RAPGEF5: variants seen among roughly 807,000 people sequenced by gnomAD.
RAPGEF5 encodes Rap guanine nucleotide exchange factor 5.
RAPGEF5 carries 65 observed loss-of-function variants against 125.2 expected under a neutral mutation model. The ratio of observed to expected loss-of-function variants is 0.52; its 90% CI spans 0.43 to 0.64. The LOEUF is 0.64. RAPGEF5 is among the 30% of genes least tolerant of loss of function. The pLI, the probability that RAPGEF5 is intolerant of heterozygous loss-of-function variation, is 0.00. For synonymous variants in RAPGEF5, 391 were observed against 385.9 expected (o/e 1.01, Z -0.16); for missense variants, 958 against 1,048.1 (o/e 0.91, Z 1.19).
In RAPGEF5 at chr7:22,343,749, A is replaced by G. The variant is rs115629720; in HGVS notation, c.231+13081T>C. Reference sequence around the variant, plus strand: ...GGGCAAAGGAACCAAAGGTGTAATTATCCTATTCGACTATTTGTTACTTCA... The same window carrying G: ...GGGCAAAGGAACCAAAGGTGTAATTGTCCTATTCGACTATTTGTTACTTCA... On this transcript the variant is annotated intron_variant, in intron 1 of 25. Transcript: ENST00000665637. Among the ~76,000 whole-genome samples the G allele has an allele frequency of 7.3e-3, 1,117 of 152,310 alleles. 19 individuals are homozygous for G. The highest frequency in any genetic ancestry group is 0.025 in the African/African-American group (1,029 of 41,568).
chr7:22,129,295 T>C (rs1782842390), intron 24 of RAPGEF5, among the ~76,000 whole-genome samples: 2 of 152,164 alleles, frequency 1.3e-5, no homozygotes, highest in Admixed American at 6.5e-5. Flanking sequence ...AGCCAGCTGA[T>C]AAAGAGTTTA....
intron 7 of RAPGEF5, among the ~76,000 whole-genome samples, chr7:22,244,436 G>A (rs568843097): frequency 2.2e-4 from 33 of 152,060 alleles, no homozygotes; most frequent in African/African-American, 6.0e-4. Flanking sequence ...GATCAGTAGC[G>A]GCATTAGATT....
intron 1 of RAPGEF5, among the ~76,000 whole-genome samples, chr7:22,347,839 T>G (rs1784252458): frequency 6.6e-6 from 1 of 152,236 alleles, no homozygotes; most frequent in African/African-American, 2.4e-5. Flanking sequence ...TGATAAATGT[T>G]ATATTAGGAT....
In RAPGEF5 at chr7:22,331,939, A is replaced by T. The variant is rs149603507; in HGVS notation, c.232-13902T>A. Among the ~76,000 whole-genome samples the T allele has an allele frequency of 1.1e-3, 169 of 152,236 alleles. 2 individuals are homozygous for T. The highest frequency in any genetic ancestry group is 4.0e-3 in the African/African-American group (168 of 41,532). ...TGTTGAAAGTAATGGAAAAACTTAG[A>T]ACATCAAAGTATTGTTAAAATTCTA... is the stretch of plus-strand genomic sequence containing the variant. On this transcript the variant is annotated intron_variant, in intron 1 of 25. Coordinates refer to ENST00000665637, the MANE Select transcript of RAPGEF5 (RefSeq NM_012294.5).
At chr7:22,229,330 T>C (rs945881999) in intron 8 of RAPGEF5, among the ~76,000 whole-genome samples, 5 of 152,182 alleles carry the variant, frequency 3.3e-5, no homozygotes, top group Non-Finnish European at 5.9e-5. Context: ...CTTAACCTTT[T>C]ATAGACCCAA....
chr7:22,160,511 T>C lies in RAPGEF5; in HGVS notation c.1526+7A>G, dbSNP rs943496478. ...ATTAACTATAATTAGGAAAATGAAATACTTACTGACGACGGTGCATTCCAA... is the reference window on the plus strand; with the variant it reads ...ATTAACTATAATTAGGAAAATGAAACACTTACTGACGACGGTGCATTCCAA... On this transcript the variant is annotated splice_region_variant and intron_variant, in intron 14 of 25. Transcript: ENST00000665637. 2 of 1,537,650 alleles carry C rather than the reference T, an allele frequency of 1.3e-6. No homozygotes were observed. Among genetic ancestry groups the C allele is most frequent in the African/African-American group, 2.8e-5 (2 of 72,532 alleles).
At chr7:22,203,645 G>C (rs887998677) in intron 9 of RAPGEF5, among the ~76,000 whole-genome samples, 11 of 152,198 alleles carry the variant, frequency 7.2e-5, no homozygotes, top group Non-Finnish European at 1.3e-4. Flanking sequence ...GAGACTCGGA[G>C]GTACATCCAT....
At chr7:22,126,763 G>GC (rs11460550) in intron 24 of RAPGEF5, among the ~76,000 whole-genome samples, 152,180 of 152,182 alleles carry the variant, frequency 1, 76,089 homozygotes, top group Non-Finnish European at 1. Context: ...ACTGGCATAT[G>GC]CATCATACCT....
At chr7:22,348,754 T>C (rs1182741842) in intron 1 of RAPGEF5, among the ~76,000 whole-genome samples, 1 of 152,128 alleles carries the variant, frequency 6.6e-6, no homozygotes, top group Non-Finnish European at 1.5e-5. Context: ...GAGGAGGGGA[T>C]GAAGAGAGTT....
At chr7:22,351,754 G>A (rs943961876) in intron 1 of RAPGEF5, among the ~76,000 whole-genome samples, 11 of 152,146 alleles carry the variant, frequency 7.2e-5, no homozygotes, top group African/African-American at 2.7e-4. Flanking sequence ...CTAAAACGGC[G>A]ATACATTGGG....
At chr7:22,343,532 C>A (rs1392617471) in intron 1 of RAPGEF5, among the ~76,000 whole-genome samples, 1 of 152,114 alleles carries the variant, frequency 6.6e-6, no homozygotes, top group East Asian at 1.9e-4. Context: ...ATATTATTTA[C>A]AAAAGCTCTG....
At chr7:22,124,687 T>C (rs1486059374) in intron 25 of RAPGEF5, among the ~76,000 whole-genome samples, 1 of 152,254 alleles carries the variant, frequency 6.6e-6, no homozygotes, top group African/African-American at 2.4e-5. Flanking sequence ...ACAATGGGCA[T>C]GTCTTACTTA....
At chr7:22,224,110 G>T (rs899456135) in intron 8 of RAPGEF5, among the ~76,000 whole-genome samples, 1 of 152,124 alleles carries the variant, frequency 6.6e-6, no homozygotes, top group Non-Finnish European at 1.5e-5. Context: ...GGCAAGGGAA[G>T]TAGAATAAAG....
At chr7:22,263,443 TTGGTGGCTGGGTG>T (rs1243461931) in intron 7 of RAPGEF5, among the ~76,000 whole-genome samples, 1 of 152,048 alleles carries the variant, frequency 6.6e-6, no homozygotes, top group African/African-American at 2.4e-5. Flanking sequence ...TTTTAAAAAT[TTGGTGGCTGGGTG>T]TGGTGGCTTA....
intron 1 of RAPGEF5, among the ~76,000 whole-genome samples, chr7:22,328,918 T>C (rs750358631): frequency 5.3e-5 from 8 of 152,226 alleles, no homozygotes; most frequent in Non-Finnish European, 8.8e-5. Context: ...GCAACCTGAT[T>C]GCCTCAAACT....
intron 6 of RAPGEF5, among the ~76,000 whole-genome samples, chr7:22,281,534 C>T (rs1045436454): frequency 3.3e-5 from 5 of 152,174 alleles, no homozygotes; most frequent in African/African-American, 9.7e-5. Flanking sequence ...TATCTAAAGC[C>T]GTCTTCCCTT....
chr7:22,123,578 T>C (rs912806651), intron 25 of RAPGEF5, among the ~76,000 whole-genome samples: 4 of 152,174 alleles, frequency 2.6e-5, no homozygotes, highest in Non-Finnish European at 5.9e-5. Flanking sequence ...TTCTCCTCTA[T>C]AACAAATGTA....
At chr7:22,201,871 T>C (rs1229826615) in intron 9 of RAPGEF5, among the ~76,000 whole-genome samples, 1 of 152,066 alleles carries the variant, frequency 6.6e-6, no homozygotes, top group African/African-American at 2.4e-5. Context: ...GGAGGAGAAA[T>C]GGCAGGGTCA....
At chr7:22,154,638 G>A in intron 16 of RAPGEF5, 34 bp from the exon 17 acceptor site, 2 of 1,606,290 alleles carry the variant, frequency 1.2e-6, no homozygotes, top group South Asian at 1.1e-5. Flanking sequence ...TGGAAACAGA[G>A]AACAGTGGTC....
Sources: gnomAD v4.1 joint callset for allele counts (sites outside exome capture counted in the v4.1 genomes callset) on GRCh38, gnomAD v4.1.1 for gene constraint, MANE v1.5 for transcripts, NCBI Gene and HGNC (gene_info 2026-07-23, HGNC 2026-07-21) for gene names.